PCDHGC4: variants seen among roughly 807,000 people sequenced by gnomAD.
PCDHGC4 encodes protocadherin gamma subfamily C, 4, also known as protocadherin gamma-C4.
In PCDHGC4, 15 loss-of-function variants were observed where a neutral mutation model predicts 59.7. The observed-to-expected ratio is 0.25, with a 90% CI of 0.17 to 0.39. The LOEUF (loss-of-function observed/expected upper bound fraction) is 0.39, where lower values mean the gene tolerates loss of function less well. Among genes scored for constraint, PCDHGC4 ranks in the 10% least tolerant of loss-of-function variants. The pLI is 1.00. For missense variants in PCDHGC4, 1,016 were observed against 1,189.5 expected, an observed-to-expected ratio of 0.85 and a Z score of 2.15; for synonymous variants, 434 against 481.4, an observed-to-expected ratio of 0.90 and a Z score of 1.29.
chr5:141,490,956 A>T lies in PCDHGC4; in HGVS notation c.2442+3341A>T. 1.2e-6 allele frequency: 2 copies of T among 1,613,828 alleles called. No homozygotes were observed. The highest frequency in any genetic ancestry group is 1.7e-6 in the Non-Finnish European group (2 of 1,179,852). ...TGCTGCACCCACGGCCAGACTGGGA[A>T]CACTCAGCCCCCCAGCGTCTCCCTC... On this transcript the variant is annotated intron_variant, in intron 1 of 3. Transcript: ENST00000306593. The surrounding 1 kb of genome is among the most constrained non-coding windows in gnomAD (Gnocchi z 5.4).
In PCDHGC4 at chr5:141,491,801, G is replaced by C; in HGVS notation, c.2443-3006G>C. 1 of 1,500,844 alleles carries C rather than the reference G, an allele frequency of 6.7e-7. No individual in the cohort carries two copies. Among genetic ancestry groups the C allele is most frequent in the Non-Finnish European group, 8.9e-7 (1 of 1,125,292 alleles). The allele number at this position is 1,500,844 out of a possible 1,614,324, so 93.0% of individuals were successfully genotyped here. The stretch of plus-strand genomic sequence containing the variant: ...AACTTGCATCCACTCCTCTCCGGCC[G>C]GCTTGGTCGCTGGCTGCGCTCCACC... On this transcript the variant is annotated intron_variant, in intron 1 of 3. Coordinates refer to ENST00000306593, the MANE Select transcript of PCDHGC4 (RefSeq NM_018928.3). The surrounding 1 kb of genome is among the most constrained non-coding windows in gnomAD (Gnocchi z 6.9).
At chr5:141,510,139 G>T (rs931012964) in intron 3 of PCDHGC4, among the ~76,000 whole-genome samples, 1 of 152,136 alleles carries the variant, frequency 6.6e-6, no homozygotes, top group Non-Finnish European at 1.5e-5. Context: ...CTGGGCTAGT[G>T]GTGTGCACCT....
chr5:141,494,891 C>G, intron 2 of PCDHGC4, 26 bp downstream of exon 2: 1 of 1,614,098 alleles, frequency 6.2e-7, no homozygotes. Flanking sequence ...TCCAGCCCAC[C>G]CTCTTCTCTG....
rs1216200329 is a variant in PCDHGC4, at chr5:141,491,485, C to G, written c.2443-3322C>G. ...CTTCTATAAGCAGTCCAGCCCCAAC[C>G]TGCAGGTGAGCTCGGACGGCACGCT... On this transcript the variant is annotated intron_variant, in intron 1 of 3. Coordinates refer to ENST00000306593, the MANE Select transcript of PCDHGC4 (RefSeq NM_018928.3). This position sits in a 1 kb window ranked among gnomAD's most constrained non-coding sequence, Gnocchi z 6.9. 6.2e-7 allele frequency: 1 copy of G among 1,614,148 alleles called. No individual in the cohort carries two copies. The highest frequency in any genetic ancestry group is 1.3e-5 in the African/African-American group (1 of 75,064).
At position 141,491,660 on chromosome 5, in the gene PCDHGC4, C is replaced by G; in HGVS notation, c.2443-3147C>G. 6.2e-7 allele frequency: 1 copy of G among 1,613,810 alleles called. No individual in the cohort carries two copies. ...ACAGCTCTGGCGCTGGAGCCTGACG[C>G]CATCCGGTCCCGCTCTAATACGCTG... is the stretch of plus-strand genomic sequence containing the variant. On this transcript the variant is annotated intron_variant, in intron 1 of 3. Transcript: ENST00000306593. The surrounding 1 kb of genome is among the most constrained non-coding windows in gnomAD (Gnocchi z 6.9).
intron 2 of PCDHGC4, among the ~76,000 whole-genome samples, chr5:141,500,900 C>T (rs1309164700): frequency 4.0e-5 from 6 of 150,642 alleles, no homozygotes; most frequent in South Asian, 2.1e-4. Flanking sequence ...GAGACAGTCT[C>T]GCTCTGTCTC....
At position 141,485,074 on chromosome 5, in the gene PCDHGC4, G is replaced by T. The variant is rs2099606548; in HGVS notation, c.-100G>T. On this transcript the variant is annotated 5_prime_UTR_variant, in exon 1 of 4. Transcript: ENST00000306593. The surrounding 1 kb of genome is among the most constrained non-coding windows in gnomAD (Gnocchi z 5.7). ...GGCCGAACCGCGCCAGAGCTGGCGCGGGGAAAGGGAGATAGGTGTCTCCAG... is the reference window on the plus strand; with the variant it reads ...GGCCGAACCGCGCCAGAGCTGGCGCTGGGAAAGGGAGATAGGTGTCTCCAG... The T allele has an allele frequency of 2.2e-6, 2 of 926,946 alleles. No homozygotes were observed. The highest frequency in any genetic ancestry group is 3.4e-6 in the Non-Finnish European group (2 of 596,630). 57.4% of individuals were successfully genotyped at this position (926,946 alleles called of 1,614,324 possible). A position where few individuals can be genotyped will look rare whatever the true frequency, so the allele number is the denominator to read the frequency against.
rs1236959966 is a variant in PCDHGC4, at chr5:141,511,984, G to C, written c.*811G>C. On this transcript the variant is annotated 3_prime_UTR_variant, in exon 4 of 4. Transcript: ENST00000306593. ...GGGAAGTGTGTGGATGTGGATGGTGGGGGCATGGACAAAGCTTGACACATC... is the reference window on the plus strand; with the variant it reads ...GGGAAGTGTGTGGATGTGGATGGTGCGGGCATGGACAAAGCTTGACACATC... 1 of 153,294 alleles carries C rather than the reference G, an allele frequency of 6.5e-6. No individual in the cohort carries two copies. Among genetic ancestry groups the C allele is most frequent in the African/African-American group, 2.4e-5 (1 of 41,452 alleles). 9.5% of individuals were successfully genotyped at this position (153,294 alleles called of 1,614,324 possible). A position where few individuals can be genotyped will look rare whatever the true frequency, so the allele number is the denominator to read the frequency against.
rs2099629540 is a variant in PCDHGC4, at chr5:141,486,436, T to C, written c.1263T>C (p.Tyr421=). 2 of 1,614,188 alleles carry C rather than the reference T, an allele frequency of 1.2e-6. No individual in the cohort carries two copies. The highest frequency in any genetic ancestry group is 1.7e-6 in the Non-Finnish European group (2 of 1,180,020). Residue 421 remains tyrosine, a synonymous_variant, in exon 1 of 4, where the codon TAT becomes TAC. Coordinates refer to ENST00000306593, the MANE Select transcript of PCDHGC4 (RefSeq NM_018928.3). This position sits in a 1 kb window ranked among gnomAD's most constrained non-coding sequence, Gnocchi z 5.0. ...GPLDREAKSS[Y]DIMVTASDAG... ...TGGATCGAGAGGCCAAATCTAGCTA[T>C]GACATCATGGTCACTGCTTCTGATG... is the stretch of plus-strand genomic sequence containing the variant.
Position 141,489,527 on chromosome 5 carries a change from G to A in PCDHGC4, c.2442+1912G>A. On this transcript the variant is annotated intron_variant, in intron 1 of 3. Coordinates refer to ENST00000306593, the MANE Select transcript of PCDHGC4 (RefSeq NM_018928.3). The surrounding 1 kb of genome is among the most constrained non-coding windows in gnomAD (Gnocchi z 4.5). The stretch of plus-strand genomic sequence containing the variant: ...CAAAAGATTGACCGAGAAAGCCTAT[G>A]TGGAGCCAGCACCAGCTGCCTGCTG... The A allele has an allele frequency of 1.9e-6, 3 of 1,614,152 alleles. No individual in the cohort carries two copies. Among genetic ancestry groups the A allele is most frequent in the East Asian group, 2.2e-5 (1 of 44,874 alleles).
Position 141,491,895 on chromosome 5 carries a change from A to G in PCDHGC4, c.2443-2912A>G. On this transcript the variant is annotated intron_variant, in intron 1 of 3. Transcript: ENST00000306593. This position sits in a 1 kb window ranked among gnomAD's most constrained non-coding sequence, Gnocchi z 6.9. Reference sequence around the variant, plus strand: ...CCGATTAAGGGATGGGGCTCCGAGCACCGGGGGTGGTGGCGACTGTGGGCG... The same window carrying G: ...CCGATTAAGGGATGGGGCTCCGAGCGCCGGGGGTGGTGGCGACTGTGGGCG... 7.0e-7 allele frequency: 1 copy of G among 1,434,306 alleles called. No homozygotes were observed. The highest frequency in any genetic ancestry group is 9.2e-7 in the Non-Finnish European group (1 of 1,084,904). 88.8% of individuals were successfully genotyped at this position (1,434,306 alleles called of 1,614,324 possible). A position where few individuals can be genotyped will look rare whatever the true frequency, so the allele number is the denominator to read the frequency against.
At chr5:141,502,377 C>A (rs748121694) in intron 2 of PCDHGC4, among the ~76,000 whole-genome samples, 14 of 151,904 alleles carry the variant, frequency 9.2e-5, no homozygotes, top group Non-Finnish European at 1.3e-4. Flanking sequence ...AGAGTCCAGG[C>A]CAGTTGTACT....
chr5:141,500,258 G>A lies in PCDHGC4; in HGVS notation c.2502-5135G>A, dbSNP rs2099798463. On this transcript the variant is annotated intron_variant, in intron 2 of 3. Coordinates refer to ENST00000306593, the MANE Select transcript of PCDHGC4 (RefSeq NM_018928.3). ...TAGCCTTGCTCTGTCACCCAGGCTG[G>A]ACTGCAGTGGCGCAATCTCGGCTCA... Among the ~76,000 whole-genome samples the A allele has an allele frequency of 2.0e-5, 3 of 150,738 alleles. No homozygotes were observed. In the South Asian group the frequency reaches 6.3e-4, roughly 32 times the overall value.
At chr5:141,502,134 C>T (rs566073996) in intron 2 of PCDHGC4, among the ~76,000 whole-genome samples, 10 of 152,288 alleles carry the variant, frequency 6.6e-5, no homozygotes, top group African/African-American at 2.2e-4. Flanking sequence ...AGAGCTCAGT[C>T]GGGCCGGAAG....
In PCDHGC4 at chr5:141,493,930, A is replaced by G. The variant is rs547125826; in HGVS notation, c.2443-877A>G. Among the ~76,000 whole-genome samples the G allele has an allele frequency of 6.6e-6, 1 of 152,268 alleles. No homozygotes were observed. The highest frequency in any genetic ancestry group is 6.5e-5 in the Admixed American group (1 of 15,300). ...TGTGATGGGATAACACACCCCCTGG[A>G]AAGACCAGAAGGGACTCAGGAATGA... On this transcript the variant is annotated intron_variant, in intron 1 of 3. Transcript: ENST00000306593. This position sits in a 1 kb window ranked among gnomAD's most constrained non-coding sequence, Gnocchi z 4.3.
At chr5:141,503,230 G>A (rs911238781) in intron 2 of PCDHGC4, among the ~76,000 whole-genome samples, 1 of 152,006 alleles carries the variant, frequency 6.6e-6, no homozygotes, top group African/African-American at 2.4e-5. Context: ...CCGTAAAGAT[G>A]GACAGTTTCT....
chr5:141,508,829 C>G (rs370074494), intron 3 of PCDHGC4, among the ~76,000 whole-genome samples: 10 of 152,240 alleles, frequency 6.6e-5, no homozygotes, highest in Middle Eastern at 3.4e-3. Context: ...TCTGGGCCCC[C>G]CTCCCCTACC....
chr5:141,501,618 T>G (rs1307485559), intron 2 of PCDHGC4, among the ~76,000 whole-genome samples: 2 of 152,068 alleles, frequency 1.3e-5, no homozygotes, highest in African/African-American at 4.8e-5. Flanking sequence ...GTGACTCTGG[T>G]ATAGTCTCTC....
rs1193620622 is a variant in PCDHGC4, at chr5:141,512,906, G to A, written c.*1733G>A. On this transcript the variant is annotated 3_prime_UTR_variant, in exon 4 of 4. Coordinates refer to ENST00000306593, the MANE Select transcript of PCDHGC4 (RefSeq NM_018928.3). ...CACCCTCTTCCTGTGTCTCACGCAA[G>A]TTTTATACTCTAATATTTATATGGC... 2.0e-5 allele frequency: 3 copies of A among 152,206 alleles called. No homozygotes were observed. Among genetic ancestry groups the A allele is most frequent in the African/African-American group, 7.2e-5 (3 of 41,438 alleles). The allele number at this position is 152,206 out of a possible 1,614,324, so 9.4% of individuals were successfully genotyped here.
Sources: gnomAD v4.1 joint callset for allele counts (sites outside exome capture counted in the v4.1 genomes callset) on GRCh38, gnomAD v4.1.1 for gene constraint, Gnocchi (gnomAD v3.1) non-coding constraint, MANE v1.5 for transcripts, NCBI Gene and HGNC (gene_info 2026-07-23, HGNC 2026-07-21) for gene names.